The following SYCE2 variants were observed in gnomAD, a reference collection of about 807,000 sequenced individuals.
The protein encoded by SYCE2 is central element synaptonemal complex 1.
In SYCE2, 3 loss-of-function variants were observed where a neutral mutation model predicts 27.9. That is an observed-to-expected ratio of 0.11 (90% CI 0.05 to 0.28). SYCE2 has a LOEUF of 0.28. SYCE2 is among the 10% of genes least tolerant of loss of function. The pLI is 1.00. For missense variants in SYCE2, 207 were observed against 263.5 expected (o/e 0.79, Z 1.48); for synonymous variants, 85 against 100.7 (o/e 0.84, Z 0.93).
chr19:12,901,765 G>A (rs558409446), intron 3 of SYCE2, among the ~76,000 whole-genome samples: 23 of 151,894 alleles, frequency 1.5e-4, no homozygotes, highest in East Asian at 5.9e-4. Flanking sequence ...ACAGGCGAGC[G>A]CCACCACACC....
At chr19:12,918,964 A>G (rs1372749509) in intron 1 of SYCE2, among the ~76,000 whole-genome samples, 22 of 19,752 alleles carry the variant, frequency 1.1e-3, no homozygotes, top group Non-Finnish European at 1.8e-3. Context: ...AAAAAAAAAA[A>G]AAAGAAATGA....
At chr19:12,900,302 G>A in intron 4 of SYCE2, 158 bp downstream of exon 4, 1 of 1,058,036 alleles carries the variant, frequency 9.5e-7, no homozygotes, top group Non-Finnish European at 1.3e-6. Flanking sequence ...ATGTTATAGG[G>A]GATCACAAAC....
At chr19:12,908,359 C>G (rs1004366994) in intron 2 of SYCE2, among the ~76,000 whole-genome samples, 1 of 146,516 alleles carries the variant, frequency 6.8e-6, no homozygotes, top group Non-Finnish European at 1.5e-5. Context: ...GAGTCTCGCT[C>G]TGTCACCGAG....
At chr19:12,905,328 A>G (rs547877414) in intron 2 of SYCE2, among the ~76,000 whole-genome samples, 1 of 152,102 alleles carries the variant, frequency 6.6e-6, no homozygotes, top group South Asian at 2.1e-4. Flanking sequence ...AATAGTGTCA[A>G]TGCTTTCTTT....
intron 2 of SYCE2, among the ~76,000 whole-genome samples, chr19:12,908,815 C>T (rs1014372214): frequency 3.9e-5 from 6 of 152,128 alleles, no homozygotes; most frequent in African/African-American, 7.2e-5. Flanking sequence ...CTGCTACTCC[C>T]GACATGTGGT....
chr19:12,913,800 A>C (rs1971087839), intron 2 of SYCE2, among the ~76,000 whole-genome samples: 1 of 152,156 alleles, frequency 6.6e-6, no homozygotes, highest in Admixed American at 6.5e-5. Flanking sequence ...TTCCGCAGTA[A>C]GGTATTAGCA....
intron 2 of SYCE2, among the ~76,000 whole-genome samples, chr19:12,913,194 C>G (rs1971078030): frequency 6.6e-6 from 1 of 152,192 alleles, no homozygotes; most frequent in Admixed American, 6.6e-5. Context: ...ATGGTCTGTC[C>G]TTCTAAGAAG....
intron 2 of SYCE2, among the ~76,000 whole-genome samples, chr19:12,916,311 C>T (rs573694657): frequency 1.3e-5 from 2 of 152,068 alleles, no homozygotes; most frequent in South Asian, 2.1e-4. Context: ...CCTCGTGATC[C>T]GCCTGCCTCG....
intron 3 of SYCE2, among the ~76,000 whole-genome samples, chr19:12,903,535 C>T (rs987432557): frequency 9.2e-5 from 14 of 151,826 alleles, no homozygotes; most frequent in Non-Finnish European, 1.8e-4. Context: ...TACAGGCGCG[C>T]ACCACCATGC....
Position 12,918,232 on chromosome 19 carries a change from C to G in SYCE2, c.121G>C (p.Gly41Arg). 1 of 1,613,936 alleles carries G rather than the reference C, an allele frequency of 6.2e-7. No individual in the cohort carries two copies. Among genetic ancestry groups the G allele is most frequent in the South Asian group, 1.1e-5 (1 of 91,084 alleles). ...TGGGATCTTCCTCACCTAGCTGGCC[C>G]TCCACCAGCTTCCTCCTCGCAGTTC... ...EENCEEEAGG[G>R]PASASCQLTV... Residue 41 changes from glycine (G) to arginine (R), a missense_variant, in exon 2 of 6, where the codon GGG becomes CGG. Gly to Arg is a moderately radical substitution (Grantham distance 125). Coordinates refer to ENST00000293695, the MANE Select transcript of SYCE2 (RefSeq NM_001105578.2).
At position 12,916,855 on chromosome 19, in the gene SYCE2, T is replaced by C. The variant is rs190265839; in HGVS notation, c.131+1367A>G. Among the ~76,000 whole-genome samples, 2 of 152,148 alleles carry C rather than the reference T, an allele frequency of 1.3e-5. 1 individual carries two copies. The highest frequency in any genetic ancestry group is 1.3e-4 in the Admixed American group (2 of 15,252). On this transcript the variant is annotated intron_variant, in intron 2 of 5. Coordinates refer to ENST00000293695, the MANE Select transcript of SYCE2 (RefSeq NM_001105578.2). ...GTCTCAAACTCCTGGGCTCAAGGGA[T>C]CCTCCTGCCTTGGCCTCCTGAATAG... is the stretch of plus-strand genomic sequence containing the variant.
chr19:12,900,185 T>C (rs1970806853), intron 4 of SYCE2, 65 bp from the exon 5 acceptor site: 2 of 1,542,592 alleles, frequency 1.3e-6, no homozygotes, highest in South Asian at 2.4e-5. Context: ...GAGGGGATGA[T>C]TTCTGAGTGG....
chr19:12,915,136 A>G (rs572532613), intron 2 of SYCE2, among the ~76,000 whole-genome samples: 10 of 152,246 alleles, frequency 6.6e-5, no homozygotes, highest in Non-Finnish European at 1.2e-4. Context: ...ACTCATGTGG[A>G]ATATTATTCA....
In SYCE2 at chr19:12,899,892, C is replaced by T. The variant is rs1219019475; in HGVS notation, c.612+112G>A. ...TGAGTTCACAGTGCGCCCTCCCTCC[C>T]TCCCATCTGGGGGTAGTGCCTTATG... On this transcript the variant is annotated intron_variant, in intron 5 of 5. Transcript: ENST00000293695. 3 of 1,599,264 alleles carry T rather than the reference C, an allele frequency of 1.9e-6. No individual in the cohort carries two copies. In the African/African-American group the frequency reaches 4.0e-5, roughly 21 times the overall value.
intron 3 of SYCE2, 99 bp downstream of exon 3, chr19:12,904,393 G>A: frequency 7.0e-7 from 1 of 1,431,706 alleles, no homozygotes; most frequent in Non-Finnish European, 9.7e-7. Flanking sequence ...TGTGTGAATG[G>A]CCTAGCACCG....
At chr19:12,914,774 TA>T (rs1971108642) in intron 2 of SYCE2, among the ~76,000 whole-genome samples, 1 of 152,098 alleles carries the variant, frequency 6.6e-6, no homozygotes, top group Non-Finnish European at 1.5e-5. Context: ...CACCCCTGGC[TA>T]ATTTTGTATT....
chr19:12,907,141 T>C (rs1386869046), intron 2 of SYCE2, among the ~76,000 whole-genome samples: 1 of 152,190 alleles, frequency 6.6e-6, no homozygotes, highest in East Asian at 1.9e-4. Context: ...TCCTCAGCCA[T>C]GTTCCCGGCA....
At chr19:12,900,230 A>C in intron 4 of SYCE2, 110 bp from the exon 5 acceptor site, 1 of 1,335,150 alleles carries the variant, frequency 7.5e-7, no homozygotes, top group Non-Finnish European at 1.0e-6. Flanking sequence ...TTCTGTCACC[A>C]CAGAGCTGCT....
chr19:12,919,238 C>T lies in SYCE2; in HGVS notation c.15+5G>A. 1.9e-6 allele frequency: 3 copies of T among 1,611,356 alleles called. No homozygotes were observed. The highest frequency in any genetic ancestry group is 2.5e-6 in the Non-Finnish European group (3 of 1,180,004). ...ACGCGCGAGAAGGAAACAAGCGCCG[C>T]GTACTCCCTGTCGCTCCATTCCGTA... On this transcript the variant is annotated splice_donor_5th_base_variant and intron_variant, in intron 1 of 5. Transcript: ENST00000293695.
Sources: gnomAD v4.1 joint callset for allele counts (sites outside exome capture counted in the v4.1 genomes callset) on GRCh38, gnomAD v4.1.1 for gene constraint, MANE v1.5 for transcripts, NCBI Gene and HGNC (gene_info 2026-07-23, HGNC 2026-07-21) for gene names.